WWOX: variants seen among roughly 807,000 people sequenced by gnomAD.
WWOX encodes the protein WW domain-containing oxidoreductase.
WWOX carries 69 observed loss-of-function variants against 46.2 expected under a neutral mutation model. The observed-to-expected ratio is 1.49, with a 90% CI of 1.23 to 1.82. The LOEUF (loss-of-function observed/expected upper bound fraction) is 1.82. Ranked by LOEUF, WWOX falls within the 40% of genes most tolerant of loss-of-function variation. WWOX has a pLI of 0.00. For missense variants in WWOX, 919 were observed against 542.6 expected (o/e 1.69, Z -6.89); for synonymous variants, 359 against 202.6 (o/e 1.77, Z -6.56).
chr16:78,433,245 T>C (rs1392634079), intron 8 of WWOX, among the ~76,000 whole-genome samples: 1 of 152,096 alleles, frequency 6.6e-6, no homozygotes, highest in Non-Finnish European at 1.5e-5. Context: ...TGTTGGAGAG[T>C]CCTTTGATAG....
chr16:78,599,819 G>T (rs1175641173), intron 8 of WWOX, among the ~76,000 whole-genome samples: 1 of 152,088 alleles, frequency 6.6e-6, no homozygotes, highest in Non-Finnish European at 1.5e-5. Flanking sequence ...AAAACCTCTG[G>T]GATTGGGTGT....
chr16:78,507,749 A>C (rs1248818208), intron 8 of WWOX, among the ~76,000 whole-genome samples: 1 of 152,118 alleles, frequency 6.6e-6, no homozygotes, highest in East Asian at 1.9e-4. Flanking sequence ...ACACAGTCTT[A>C]CTGTGCCGTG....
intron 8 of WWOX, among the ~76,000 whole-genome samples, chr16:78,562,842 G>A (rs76560768): frequency 0.054 from 8,187 of 152,276 alleles, 270 homozygotes; most frequent in Non-Finnish European, 0.075. Context: ...CTGGTACGGA[G>A]TCATCACATC....
At chr16:78,131,040 A>G (rs1200884860) in intron 4 of WWOX, among the ~76,000 whole-genome samples, 2 of 152,256 alleles carry the variant, frequency 1.3e-5, no homozygotes, top group Non-Finnish European at 2.9e-5. Flanking sequence ...ATAGGCAGTC[A>G]TAACACAATG....
rs919960558 is a variant in WWOX at position 78,688,400 on chromosome 16, T to C, written c.1056+255648T>C. Among the ~76,000 whole-genome samples the C allele has an allele frequency of 4.0e-5, 6 of 151,650 alleles. No individual in the cohort carries two copies. The East Asian group carries it at 1.2e-3, about 29-fold the overall frequency. On this transcript the variant is annotated intron_variant, in intron 8 of 8. Transcript: ENST00000566780. ...AAAAAAAAAAGATCCTGACAAATCCTACTTTTTCAGGTCCTGATGCACTAA... is the reference window on the plus strand; with the variant it reads ...AAAAAAAAAAGATCCTGACAAATCCCACTTTTTCAGGTCCTGATGCACTAA...
chr16:78,166,669 C>T (rs942133456), intron 5 of WWOX: 37 of 152,038 alleles, frequency 2.4e-4, no homozygotes, highest in African/African-American at 8.7e-4. Flanking sequence ...AGCAATTCTT[C>T]TGCCTCAGCC....
chr16:78,813,420 G>C (rs1175194485), intron 8 of WWOX, among the ~76,000 whole-genome samples: 1 of 152,118 alleles, frequency 6.6e-6, no homozygotes, highest in African/African-American at 2.4e-5. Context: ...TACCAGAATG[G>C]AGGATACTTG....
chr16:78,412,121 G>A (rs894136339), intron 6 of WWOX, among the ~76,000 whole-genome samples: 4 of 152,154 alleles, frequency 2.6e-5, no homozygotes, highest in African/African-American at 7.2e-5. Context: ...GTAGGGGATG[G>A]CACGGTATTT....
chr16:78,380,398 T>C (rs1056291773), intron 5 of WWOX, among the ~76,000 whole-genome samples: 3 of 152,170 alleles, frequency 2.0e-5, no homozygotes, highest in Non-Finnish European at 4.4e-5. Flanking sequence ...GGATAATGAC[T>C]GCACCCTGCG....
intron 8 of WWOX, among the ~76,000 whole-genome samples, chr16:78,489,823 C>G (rs903050590): frequency 6.6e-6 from 1 of 152,108 alleles, no homozygotes; most frequent in African/African-American, 2.4e-5. Context: ...ACACTTGTCA[C>G]TAAAGCTGCT....
intron 5 of WWOX, among the ~76,000 whole-genome samples, chr16:78,341,710 G>A (rs7498411): frequency 0.23 from 27,286 of 119,550 alleles, 8,764 homozygotes; most frequent in African/African-American, 0.38. Context: ...AGCATCGAGT[G>A]TGGAAACCTC....
chr16:78,540,020 T>TCTCTCTCTCTCTCTCACACA (rs369075883), intron 8 of WWOX, among the ~76,000 whole-genome samples: 15 of 132,854 alleles, frequency 1.1e-4, no homozygotes, highest in African/African-American at 4.2e-4. Context: ...TCTCTCTCTC[T>TCTCTCTCTCTCTCTCACACA]CACACACACA....
At chr16:78,222,318 G>C (rs115857536) in intron 5 of WWOX, among the ~76,000 whole-genome samples, 140 of 146,412 alleles carry the variant, frequency 9.6e-4, no homozygotes, top group African/African-American at 3.2e-3. Context: ...TTAGGGGTGA[G>C]AGTTTGGCTG....
In WWOX at chr16:78,349,940, CTTCTAT is replaced by C. The variant is rs547179706; in HGVS notation, c.517-36919_517-36914del. On this transcript the variant is annotated intron_variant, in intron 5 of 8. Transcript: ENST00000566780. ...GGTTTGTGTTATGGAAGTGTTCTCT[CTTCTAT>C]GAATTACCTAATGCCCATACCATAC... Among the ~76,000 whole-genome samples, 14 of 121,164 alleles carry C rather than the reference CTTCTAT, an allele frequency of 1.2e-4. No homozygotes were observed. In the East Asian group the frequency reaches 2.7e-3, roughly 23 times the overall value. The allele number at this position is 121,164 out of a possible 152,430, so 79.5% of individuals were successfully genotyped here.
chr16:78,146,670 C>T (rs1289944888), intron 4 of WWOX, among the ~76,000 whole-genome samples: 1 of 152,156 alleles, frequency 6.6e-6, no homozygotes, highest in Non-Finnish European at 1.5e-5. Context: ...TTCTGAGTGT[C>T]TGATTTTATT....
At chr16:78,553,448 G>A (rs997822487) in intron 8 of WWOX, among the ~76,000 whole-genome samples, 2 of 152,010 alleles carry the variant, frequency 1.3e-5, no homozygotes, top group African/African-American at 4.8e-5. Context: ...GGGTAGGTGG[G>A]TGTGGCCTGG....
chr16:78,931,950 A>G (rs1447338931), intron 8 of WWOX, among the ~76,000 whole-genome samples: 3 of 152,304 alleles, frequency 2.0e-5, no homozygotes, highest in South Asian at 2.1e-4. Context: ...ATGGTTTTAT[A>G]AAGGGCAGTT....
At chr16:78,540,020 T>TCACA (rs71140810) in intron 8 of WWOX, among the ~76,000 whole-genome samples, 45,493 of 132,424 alleles carry the variant, frequency 0.34, 8,371 homozygotes, top group Middle Eastern at 0.49. Flanking sequence ...TCTCTCTCTC[T>TCACA]CACACACACA....
chr16:78,514,855 T>C (rs2085451173), intron 8 of WWOX, among the ~76,000 whole-genome samples: 1 of 152,152 alleles, frequency 6.6e-6, no homozygotes. Flanking sequence ...CACTCACTAT[T>C]TGAGTGCTGG....
Sources: gnomAD v4.1 joint callset for allele counts (sites outside exome capture counted in the v4.1 genomes callset) on GRCh38, gnomAD v4.1.1 for gene constraint, MANE v1.5 for transcripts, NCBI Gene and HGNC (gene_info 2026-07-23, HGNC 2026-07-21) for gene names.